NFIB: variants seen among roughly 807,000 people sequenced by gnomAD.
NFIB encodes the protein nuclear factor I B, also known as nuclear factor 1 B-type.
A neutral mutation model predicts 61.5 loss-of-function variants in NFIB; 11 were observed. That is an observed-to-expected ratio of 0.18 (90% confidence interval 0.11 to 0.30). The LOEUF is 0.30. Among genes scored for constraint, NFIB ranks in the 10% least tolerant of loss-of-function variants. The probability of loss-of-function intolerance (pLI) is 1.00; values close to 1 mark genes in which losing one functional copy is unlikely to be tolerated. For missense variants in NFIB, 471 were observed against 608.9 expected (o/e 0.77, Z 2.38); for synonymous variants, 260 against 216.5 (o/e 1.20, Z -1.76).
chr9:14,379,848 AG>A (rs1262202465), intron 1 of NFIB, among the ~76,000 whole-genome samples: 10 of 152,032 alleles, frequency 6.6e-5, no homozygotes, highest in Non-Finnish European at 1.2e-4. Flanking sequence ...ACACCCAGCT[AG>A]TTTTTGTATT....
At chr9:14,308,701 G>A (rs945429560) in intron 1 of NFIB, among the ~76,000 whole-genome samples, 1 of 152,204 alleles carries the variant, frequency 6.6e-6, no homozygotes, top group Non-Finnish European at 1.5e-5. Flanking sequence ...ATATATGCAT[G>A]TGCATGTGAA....
At chr9:14,228,197 CT>C (rs199731438) in intron 2 of NFIB, among the ~76,000 whole-genome samples, 38,407 of 132,190 alleles carry the variant, frequency 0.29, 4,669 homozygotes, top group South Asian at 0.43. Context: ...CTTTATGATT[CT>C]TTTTTTTTTT....
chr9:14,501,701 T>A, the NFIB span, among the ~76,000 whole-genome samples: 2 of 152,196 alleles, frequency 1.3e-5, no homozygotes, highest in Non-Finnish European at 2.9e-5. Flanking sequence ...CCCCAATGCT[T>A]CTGTGCCTCG....
the NFIB span, among the ~76,000 whole-genome samples, chr9:14,455,498 G>C: frequency 1.3e-5 from 2 of 152,082 alleles, no homozygotes; most frequent in Non-Finnish European, 2.9e-5. Flanking sequence ...GGTGAGAGGA[G>C]GACATGGCAG....
the NFIB span, among the ~76,000 whole-genome samples, chr9:14,447,300 A>G: frequency 6.6e-6 from 1 of 152,112 alleles, no homozygotes; most frequent in Non-Finnish European, 1.5e-5. Flanking sequence ...ATGGTGCATT[A>G]TTTCCTTGTG....
upstream of NFIB, among the ~76,000 whole-genome samples, chr9:14,401,041 T>C (rs541251523): frequency 6.6e-6 from 1 of 152,318 alleles, no homozygotes; most frequent in South Asian, 2.1e-4. Flanking sequence ...GACAGAATAT[T>C]ATGTAGGTGG....
intron 2 of NFIB, among the ~76,000 whole-genome samples, chr9:14,223,608 T>C (rs1303168887): frequency 2.0e-5 from 3 of 152,132 alleles, no homozygotes; most frequent in Non-Finnish European, 4.4e-5. Flanking sequence ...AGGAGATCAA[T>C]CAAAAGTTAA....
chr9:14,102,493 C>G (rs1239379520), intron 10 of NFIB: 1 of 1,550,310 alleles, frequency 6.5e-7, no homozygotes, highest in Non-Finnish European at 8.7e-7. Context: ...GATTCATGGT[C>G]CAGTCACAAA....
At chr9:14,438,286 C>T in the NFIB span, among the ~76,000 whole-genome samples, 1 of 152,176 alleles carries the variant, frequency 6.6e-6, no homozygotes, top group Non-Finnish European at 1.5e-5. Context: ...AGATTTCAAG[C>T]TTCCAAATAC....
Position 14,313,467 on chromosome 9 carries a change from G to T in NFIB, c.30+15C>A. 6.2e-7 allele frequency: 1 copy of T among 1,613,692 alleles called. No homozygotes were observed. The highest frequency in any genetic ancestry group is 1.1e-5 in the South Asian group (1 of 91,030). Reference sequence around the variant, plus strand: ...GGCCAGAGAGAAAGCTCGAGAAAGCGACCGAGACATGTACCTGAGTGAGAC... The same window carrying T: ...GGCCAGAGAGAAAGCTCGAGAAAGCTACCGAGACATGTACCTGAGTGAGAC... On this transcript the variant is annotated intron_variant, in intron 1 of 10. Coordinates refer to ENST00000380953, the MANE Select transcript of NFIB (RefSeq NM_001190737.2). The surrounding 1 kb of genome is among the most constrained non-coding windows in gnomAD (Gnocchi z 4.5).
intron 2 of NFIB, among the ~76,000 whole-genome samples, chr9:14,265,715 T>C (rs1010701104): frequency 2.0e-5 from 3 of 152,246 alleles, no homozygotes; most frequent in Non-Finnish European, 4.4e-5. Context: ...AATTCAGTTA[T>C]TCACTTAACA....
At chr9:14,230,271 T>A (rs897214772) in intron 2 of NFIB, among the ~76,000 whole-genome samples, 4 of 152,358 alleles carry the variant, frequency 2.6e-5, no homozygotes, top group African/African-American at 7.2e-5. Context: ...TGGATAGACA[T>A]ATGTCAGAGA....
chr9:14,260,678 G>T (rs1354113286), intron 2 of NFIB, among the ~76,000 whole-genome samples: 3 of 152,192 alleles, frequency 2.0e-5, no homozygotes, highest in African/African-American at 7.2e-5. Flanking sequence ...ACTGGCCACT[G>T]TCTACCTAGA....
chr9:14,424,014 T>C, the NFIB span, among the ~76,000 whole-genome samples: 2 of 152,054 alleles, frequency 1.3e-5, no homozygotes, highest in South Asian at 4.1e-4. Context: ...TCTCGCTTTT[T>C]TGGCAAGGGG....
the NFIB span, among the ~76,000 whole-genome samples, chr9:14,461,204 G>C: frequency 6.6e-6 from 1 of 152,130 alleles, no homozygotes; most frequent in South Asian, 2.1e-4. Context: ...GTGAGGTCTT[G>C]AGGGAACTGT....
At chr9:14,283,295 T>C (rs2058498435) in intron 2 of NFIB, among the ~76,000 whole-genome samples, 1 of 152,202 alleles carries the variant, frequency 6.6e-6, no homozygotes, top group Admixed American at 6.5e-5. Context: ...AACGCTTGTG[T>C]ATTTGTATCA....
chr9:14,219,229 A>G (rs2051326401), intron 2 of NFIB, among the ~76,000 whole-genome samples: 1 of 152,088 alleles, frequency 6.6e-6, no homozygotes, highest in African/African-American at 2.4e-5. Flanking sequence ...GATTCTACGT[A>G]TTTAAAACTA....
intron 1 of NFIB, among the ~76,000 whole-genome samples, chr9:14,368,942 A>G (rs2061330131): frequency 6.6e-6 from 1 of 152,206 alleles, no homozygotes; most frequent in African/African-American, 2.4e-5. Flanking sequence ...GGTTTGGTGT[A>G]AAAATTAAAT....
At chr9:14,303,876 G>A (rs1022738728) in intron 2 of NFIB, among the ~76,000 whole-genome samples, 1 of 152,138 alleles carries the variant, frequency 6.6e-6, no homozygotes, top group Non-Finnish European at 1.5e-5. Context: ...GGATTTAAAC[G>A]CAGTTACTCC....
Sources: allele counts gnomAD v4.1 joint callset (sites outside exome capture counted in the v4.1 genomes callset), GRCh38; gene constraint gnomAD v4.1.1; non-coding constraint Gnocchi (gnomAD v3.1); transcripts MANE v1.5; gene names NCBI Gene and HGNC (gene_info 2026-07-23, HGNC 2026-07-21).